Variants in LETM2 observed in about 807,000 individuals in gnomAD.
The protein encoded by LETM2 is leucine zipper and EF-hand containing transmembrane protein 2, also known as LETM1 domain-containing protein LETM2, mitochondrial.
A neutral mutation model predicts 59.6 loss-of-function variants in LETM2; 58 were observed. The ratio of observed to expected loss-of-function variants is 0.97; its 90% CI spans 0.79 to 1.21. The LOEUF (loss-of-function observed/expected upper bound fraction) is 1.21. Among genes scored for constraint, LETM2 ranks in the 50% most tolerant of loss-of-function variants. The probability of loss-of-function intolerance (pLI) is 0.00; values close to 1 mark genes in which losing one functional copy is unlikely to be tolerated. For missense variants in LETM2, 572 were observed against 575.7 expected (o/e 0.99, Z 0.07); for synonymous variants, 199 against 214.1 (o/e 0.93, Z 0.62).
At chr8:38,386,359 T>C (rs1430939269), upstream of LETM2, 1 of 152,186 alleles carries the variant, frequency 6.6e-6, no homozygotes, top group Non-Finnish European at 1.5e-5. Context: ...AACGCGACTT[T>C]GCGGCTTCCT....
chr8:38,399,893 C>A (rs1250503606), intron 4 of LETM2, among the ~76,000 whole-genome samples: 1 of 151,728 alleles, frequency 6.6e-6, no homozygotes, highest in Non-Finnish European at 1.5e-5. Context: ...TTGCGGTGAG[C>A]CGAGATCGTG....
At chr8:38,382,463 T>G (rs973222538), upstream of LETM2, 6 of 151,352 alleles carry the variant, frequency 4.0e-5, no homozygotes, top group African/African-American at 1.2e-4. This position sits in a 1 kb window ranked among gnomAD's most constrained non-coding sequence, Gnocchi z 4.2. Flanking sequence ...TCTGGACGAC[T>G]AGGGAGACCG....
chr8:38,390,043 A>C (rs1013887111), intron 2 of LETM2, among the ~76,000 whole-genome samples: 17 of 151,616 alleles, frequency 1.1e-4, no homozygotes, highest in African/African-American at 3.4e-4. Flanking sequence ...TAACATAGCA[A>C]GACCTCATCT....
chr8:38,407,023 A>T lies in LETM2; in HGVS notation c.1296A>T (p.Gln432His). The T allele has an allele frequency of 6.2e-7, 1 of 1,602,574 alleles. No individual in the cohort carries two copies. The highest frequency in any genetic ancestry group is 8.5e-7 in the Non-Finnish European group (1 of 1,169,632). ...SKENMVDLAPQLKGTKDEDFI... is the reference protein window; with the variant it reads ...SKENMVDLAPHLKGTKDEDFI... ...AGAACATGGTGGATCTTGCACCTCA[A>T]CTGAAGGGAACTAAGGTTAGACAGT... is the stretch of plus-strand genomic sequence containing the variant. The change falls in exon 9 of 11, where the codon CAA becomes CAT. Residue 432 changes from glutamine to histidine, a missense_variant. Transcript: ENST00000379957.
chr8:38,391,199 C>CAAA (rs1292763551), intron 2 of LETM2, among the ~76,000 whole-genome samples: 4 of 99,272 alleles, frequency 4.0e-5, no homozygotes, highest in Admixed American at 1.1e-4. Flanking sequence ...AAAAAAAAAA[C>CAAA]AAAAAAAAAA....
intron 3 of LETM2, chr8:38,393,372 C>T (rs889369844): frequency 9.5e-5 from 18 of 190,112 alleles, no homozygotes; most frequent in Admixed American, 4.3e-4. Flanking sequence ...TGGCTGGGCA[C>T]GATGGCTTAT....
In LETM2 at chr8:38,404,440, C is replaced by T. The variant is rs1271752250; in HGVS notation, c.1152C>T (p.Leu384=). Residue 384 remains leucine, a synonymous_variant, in exon 8 of 11, where the codon CTC becomes CTT. Coordinates refer to ENST00000379957, the MANE Select transcript of LETM2 (RefSeq NM_001286819.2). Reference sequence around the variant, plus strand: ...AGAACGTCCCTCCTTCCCTTTTGCTCCTGTCCCGCACCTTCTACCTGATAG... The same window carrying T: ...AGAACGTCCCTCCTTCCCTTTTGCTTCTGTCCCGCACCTTCTACCTGATAG... ...LKENVPPSLL[L]LSRTFYLIDV... 7 of 1,614,122 alleles carry T rather than the reference C, an allele frequency of 4.3e-6. No individual in the cohort carries two copies. In the African/African-American group the frequency reaches 9.3e-5, roughly 22 times the overall value.
In LETM2 at chr8:38,408,511, C is replaced by G; in HGVS notation, c.*237C>G. The G allele has an allele frequency of 4.6e-6, 2 of 430,160 alleles. No individual in the cohort carries two copies. The highest frequency in any genetic ancestry group is 8.5e-6 in the Non-Finnish European group (2 of 234,946). 26.6% of individuals were successfully genotyped at this position (430,160 alleles called of 1,614,324 possible). On this transcript the variant is annotated 3_prime_UTR_variant, in exon 11 of 11. Transcript: ENST00000379957. ...CCATTTCCTCTGTACCATTGTCACC[C>G]CACTCAACTTTGTATAAAGCCCACC...
chr8:38,399,665 C>A (rs1813003443), intron 4 of LETM2, among the ~76,000 whole-genome samples: 1 of 151,596 alleles, frequency 6.6e-6, no homozygotes, highest in South Asian at 2.1e-4. Context: ...GTAATCCCAG[C>A]TATTCGAGAG....
In LETM2 at chr8:38,407,042, A is replaced by G. The variant is rs976174666; in HGVS notation, c.1311+4A>G. On this transcript the variant is annotated splice_donor_region_variant and intron_variant, in intron 9 of 10. Transcript: ENST00000379957. ...ACCTCAACTGAAGGGAACTAAGGTT[A>G]GACAGTTACTTTCCATTTGGTTAAT... 2 of 1,567,796 alleles carry G rather than the reference A, an allele frequency of 1.3e-6. No individual in the cohort carries two copies. Among genetic ancestry groups the G allele is most frequent in the African/African-American group, 2.7e-5 (2 of 73,882 alleles).
chr8:38,394,845 C>CAAA (rs34403974), intron 4 of LETM2, among the ~76,000 whole-genome samples: 1 of 84,506 alleles, frequency 1.2e-5, no homozygotes, highest in South Asian at 4.7e-4. Context: ...GACCCTGTCT[C>CAAA]AAAAAAAAAA....
chr8:38,397,859 G>T (rs940314426), intron 4 of LETM2, among the ~76,000 whole-genome samples: 1 of 152,164 alleles, frequency 6.6e-6, no homozygotes, highest in Admixed American at 6.5e-5. Flanking sequence ...AGACTTGAAG[G>T]CCGGGCGTGG....
chr8:38,400,886 A>T lies in LETM2; in HGVS notation c.817A>T (p.Ile273Leu). ...AGGCCACAAGCCCAGCACAAAGGAGATAGTTCGCTTCTCCAAACTATTTGA... is the reference window on the plus strand; with the variant it reads ...AGGCCACAAGCCCAGCACAAAGGAGTTAGTTCGCTTCTCCAAACTATTTGA... The part of the protein sequence containing the change: ...QTGHKPSTKE[I>L]VRFSKLFEDQ... The change falls in exon 6 of 11, where the codon ATA becomes TTA. Residue 273 changes from isoleucine to leucine, a missense_variant. By Grantham distance (5) the Ile-to-Leu change is conservative (BLOSUM62 2). Coordinates refer to ENST00000379957, the MANE Select transcript of LETM2 (RefSeq NM_001286819.2). 6.2e-7 allele frequency: 1 copy of T among 1,614,182 alleles called. No individual in the cohort carries two copies.
chr8:38,388,161 A>G, intron 2 of LETM2, 131 bp downstream of exon 2: 1 of 636,820 alleles, frequency 1.6e-6, no homozygotes, highest in South Asian at 1.9e-5. Flanking sequence ...GCTCACTGCA[A>G]CCTCTGCCTC....
Position 38,402,649 on chromosome 8 carries a change from G to A in LETM2, c.1104+5G>A. 1 of 1,613,992 alleles carries A rather than the reference G, an allele frequency of 6.2e-7. No homozygotes were observed. The highest frequency in any genetic ancestry group is 8.5e-7 in the Non-Finnish European group (1 of 1,179,938). ...CTGCGACAACAGCTCACGGAGGCAA[G>A]TAGCAGCGCCCCTCTGGGGTCCTCT... On this transcript the variant is annotated splice_donor_5th_base_variant and intron_variant, in intron 7 of 10. Coordinates refer to ENST00000379957, the MANE Select transcript of LETM2 (RefSeq NM_001286819.2).
intron 5 of LETM2, 42 bp downstream of exon 5, chr8:38,400,451 G>T (rs762183253): frequency 3.2e-5 from 48 of 1,520,914 alleles, no homozygotes; most frequent in Non-Finnish European, 3.8e-5. Context: ...TCGGGGCTGG[G>T]CGTTCTATGA....
chr8:38,389,998 CA>C (rs1222660619), intron 2 of LETM2, among the ~76,000 whole-genome samples: 103 of 45,122 alleles, frequency 2.3e-3, no homozygotes, highest in East Asian at 0.02. Flanking sequence ...GACTCCGTCT[CA>C]AAAAAAAAAA....
At position 38,404,406 on chromosome 8, in the gene LETM2, A is replaced by G. The variant is rs767053584; in HGVS notation, c.1118A>G (p.His373Arg). The G allele has an allele frequency of 6.2e-7, 1 of 1,612,380 alleles. No homozygotes were observed. Among genetic ancestry groups the G allele is most frequent in the African/African-American group, 1.3e-5 (1 of 74,834 alleles). The change falls in exon 8 of 11, where the codon CAC (histidine) becomes CGC (arginine). Residue 373 changes from histidine to arginine, a missense_variant. Coordinates refer to ENST00000379957, the MANE Select transcript of LETM2 (RefSeq NM_001286819.2). ...RQQLTEWQDLHLKENVPPSLL... is the reference protein window; with the variant it reads ...RQQLTEWQDLRLKENVPPSLL... ...CCCGTTCTCCAGTGGCAGGACCTCC[A>G]CCTGAAGGAGAACGTCCCTCCTTCC...
chr8:38,388,611 T>C lies in LETM2; in HGVS notation c.47+581T>C, dbSNP rs913612987. 1.3e-5 allele frequency among the ~76,000 whole-genome samples: 2 copies of C among 149,906 alleles called. 1 individual carries two copies. The highest frequency in any genetic ancestry group is 4.3e-4 in the South Asian group (2 of 4,690). On this transcript the variant is annotated intron_variant, in intron 2 of 10. Transcript: ENST00000379957. ...TGGCAGGTACCTATAATCCCAGCAC[T>C]TGTGAGGCTGAGACAGGAGAATCGC...
Sources: allele counts gnomAD v4.1 joint callset (sites outside exome capture counted in the v4.1 genomes callset), GRCh38; gene constraint gnomAD v4.1.1; non-coding constraint Gnocchi (gnomAD v3.1); transcripts MANE v1.5; gene names NCBI Gene and HGNC (gene_info 2026-07-23, HGNC 2026-07-21).